SPECC1: variants seen among roughly 807,000 people sequenced by gnomAD.
SPECC1 encodes the protein cytospin-B.
A neutral mutation model predicts 104.1 loss-of-function variants in SPECC1; 62 were observed. The observed-to-expected ratio is 0.60, with a 90% CI of 0.49 to 0.74. The LOEUF (loss-of-function observed/expected upper bound fraction) is 0.74. Among genes scored for constraint, SPECC1 ranks in the 30% least tolerant of loss-of-function variants. The pLI is 0.00. For missense variants in SPECC1, 1,306 were observed against 1,310.5 expected (o/e 1.00, Z 0.05); for synonymous variants, 513 against 501.6 (o/e 1.02, Z -0.30).
intron 6 of SPECC1, 45 bp from the exon 7 acceptor site, chr17:20,232,155 G>C: frequency 6.2e-7 from 1 of 1,607,910 alleles, no homozygotes; most frequent in Non-Finnish European, 8.5e-7. Flanking sequence ...CCAGGCACTG[G>C]CCCTGGCAGG....
chr17:20,105,590 T>C (rs9907788), intron 2 of SPECC1, among the ~76,000 whole-genome samples: 81,640 of 151,958 alleles, frequency 0.54, 22,434 homozygotes, highest in Middle Eastern at 0.62. Context: ...TGCTGACTCC[T>C]CACCAGAGAC....
intron 3 of SPECC1, among the ~76,000 whole-genome samples, chr17:20,119,775 C>A (rs2048937729): frequency 6.6e-6 from 1 of 152,174 alleles, no homozygotes; most frequent in African/African-American, 2.4e-5. Context: ...TGCATTTTGT[C>A]TATTTTACAT....
At chr17:20,117,578 G>T (rs1185841248) in intron 3 of SPECC1, among the ~76,000 whole-genome samples, 1 of 151,904 alleles carries the variant, frequency 6.6e-6, no homozygotes, top group African/African-American at 2.4e-5. Context: ...CTTGAGCCCA[G>T]GAGTTGAAGA....
At chr17:20,048,087 A>T (rs760060938) in intron 1 of SPECC1, among the ~76,000 whole-genome samples, 40 of 151,354 alleles carry the variant, frequency 2.6e-4, no homozygotes, top group African/African-American at 8.7e-4. Context: ...TTAACCTCTC[A>T]CTAAGCTGAG....
chr17:20,099,694 CAAAAAAAAAAA>C (rs768172798), intron 2 of SPECC1, among the ~76,000 whole-genome samples: 1 of 17,408 alleles, frequency 5.7e-5, no homozygotes, highest in African/African-American at 1.8e-4. Context: ...CACTCTATCT[CAAAAAAAAAAA>C]AAAAAAAAAA....
At chr17:20,254,134 CGTGTGTGTGTGTGTGTGTGTGTGTGT>C (rs71357419) in intron 10 of SPECC1, among the ~76,000 whole-genome samples, 1 of 135,898 alleles carries the variant, frequency 7.4e-6, no homozygotes, top group Non-Finnish European at 1.5e-5. Context: ...GTTGTTACAC[CGTGTGTGTGTGTGTGTGTGTGTGTGT>C]GTGTGTGTGT....
chr17:20,019,385 GA>G (rs896383189), intron 1 of SPECC1, among the ~76,000 whole-genome samples: 4 of 152,140 alleles, frequency 2.6e-5, no homozygotes, highest in African/African-American at 9.6e-5. Flanking sequence ...AGATGGTCAT[GA>G]ATTTTTTTGC....
chr17:20,174,576 C>G (rs1025476517), intron 3 of SPECC1, among the ~76,000 whole-genome samples: 3 of 149,892 alleles, frequency 2.0e-5, no homozygotes, highest in African/African-American at 7.3e-5. Flanking sequence ...CACCGTGTCC[C>G]AAATGGAGAC....
intron 3 of SPECC1, among the ~76,000 whole-genome samples, chr17:20,162,902 C>G (rs1306529581): frequency 6.6e-6 from 1 of 152,184 alleles, no homozygotes; most frequent in Non-Finnish European, 1.5e-5. Flanking sequence ...GTGGCACATG[C>G]CTGTAATCCC....
At chr17:20,230,082 T>G (rs1171902072) in intron 5 of SPECC1, among the ~76,000 whole-genome samples, 1 of 151,954 alleles carries the variant, frequency 6.6e-6, no homozygotes, top group Non-Finnish European at 1.5e-5. Flanking sequence ...AAGAGTGGGT[T>G]TCCATGGTTG....
chr17:20,181,348 C>CA (rs1317504173), intron 3 of SPECC1, among the ~76,000 whole-genome samples: 1 of 151,866 alleles, frequency 6.6e-6, no homozygotes, highest in African/African-American at 2.4e-5. Context: ...TAAATAAGAA[C>CA]AACACTAGTT....
intron 3 of SPECC1, among the ~76,000 whole-genome samples, chr17:20,133,816 C>T (rs2049781829): frequency 6.6e-6 from 1 of 152,100 alleles, no homozygotes; most frequent in Non-Finnish European, 1.5e-5. Context: ...TGTCAAAGCC[C>T]CTCCCGGCTT....
At chr17:20,028,100 G>A (rs554124539) in intron 1 of SPECC1, among the ~76,000 whole-genome samples, 17 of 152,190 alleles carry the variant, frequency 1.1e-4, no homozygotes, top group African/African-American at 4.1e-4. Flanking sequence ...TGCATATGGT[G>A]TGATGGAGGG....
chr17:20,049,309 G>A (rs954859674), intron 1 of SPECC1, among the ~76,000 whole-genome samples: 11 of 152,152 alleles, frequency 7.2e-5, no homozygotes, highest in African/African-American at 2.7e-4. Context: ...GTTAATACAG[G>A]TGGTTGAGGA....
At chr17:20,138,615 C>T (rs192803723) in intron 3 of SPECC1, among the ~76,000 whole-genome samples, 1 of 152,292 alleles carries the variant, frequency 6.6e-6, no homozygotes, top group East Asian at 1.9e-4. Context: ...TAGTTGGAAT[C>T]ATACAGTATG....
At chr17:20,264,769 A>G (rs981717031) in intron 12 of SPECC1, among the ~76,000 whole-genome samples, 17 of 151,962 alleles carry the variant, frequency 1.1e-4, no homozygotes, top group Non-Finnish European at 2.4e-4. Context: ...TGTAATATAC[A>G]TAAAGGGCTA....
intron 3 of SPECC1, among the ~76,000 whole-genome samples, chr17:20,136,079 T>C (rs563902170): frequency 6.6e-6 from 1 of 152,196 alleles, no homozygotes; most frequent in East Asian, 1.9e-4. Flanking sequence ...GAAAGGGTCC[T>C]AGAGTTTGGC....
intron 4 of SPECC1, among the ~76,000 whole-genome samples, chr17:20,226,293 A>G (rs2038199725): frequency 1.3e-5 from 2 of 152,256 alleles, no homozygotes; most frequent in Non-Finnish European, 2.9e-5. Flanking sequence ...GATACATTTC[A>G]AAAACACAGT....
intron 1 of SPECC1, among the ~76,000 whole-genome samples, chr17:20,022,926 G>A (rs1186859800): frequency 6.6e-6 from 1 of 152,208 alleles, no homozygotes; most frequent in Non-Finnish European, 1.5e-5. Flanking sequence ...CAGCATGGCA[G>A]CAGAATACTG....
Sources: gnomAD v4.1 joint callset for allele counts (sites outside exome capture counted in the v4.1 genomes callset) on GRCh38, gnomAD v4.1.1 for gene constraint, MANE v1.5 for transcripts, NCBI Gene and HGNC (gene_info 2026-07-23, HGNC 2026-07-21) for gene names.